PITPNC1: variants seen among roughly 807,000 people sequenced by gnomAD.
The protein encoded by PITPNC1 is cytoplasmic phosphatidylinositol transfer protein 1.
PITPNC1 carries 18 observed loss-of-function variants against 44.7 expected under a neutral mutation model. The observed-to-expected ratio is 0.40, with a 90% confidence interval of 0.28 to 0.60. The LOEUF is 0.60. Ranked by LOEUF, PITPNC1 falls within the 20% of genes least tolerant of loss-of-function variation. PITPNC1 has a pLI of 0.39. For synonymous variants in PITPNC1, 141 were observed against 149.6 expected (o/e 0.94, Z 0.42); for missense variants, 290 against 418.4 (o/e 0.69, Z 2.68).
At chr17:67,393,520 C>T (rs1264763257) in intron 1 of PITPNC1, among the ~76,000 whole-genome samples, 1 of 152,142 alleles carries the variant, frequency 6.6e-6, no homozygotes, top group Non-Finnish European at 1.5e-5. Flanking sequence ...ATTCTGCCCT[C>T]TGTCAAAGGA....
chr17:67,426,638 G>A (rs981243272), intron 1 of PITPNC1, among the ~76,000 whole-genome samples: 1 of 151,960 alleles, frequency 6.6e-6, no homozygotes, highest in African/African-American at 2.4e-5. Context: ...GGGATTTAGA[G>A]GATGGATCAA....
chr17:67,429,805 A>T (rs1567986617), intron 1 of PITPNC1, among the ~76,000 whole-genome samples: 2 of 152,176 alleles, frequency 1.3e-5, no homozygotes, highest in Non-Finnish European at 2.9e-5. Flanking sequence ...GAGAATTTTC[A>T]TGTCAAAATA....
chr17:67,519,211 C>T (rs2040296514), intron 1 of PITPNC1, among the ~76,000 whole-genome samples: 1 of 113,244 alleles, frequency 8.8e-6, no homozygotes, highest in Non-Finnish European at 1.7e-5. Context: ...ATGTCTTGCT[C>T]TGTTTCCCAG....
chr17:67,590,769 G>A (rs879359834), intron 5 of PITPNC1, among the ~76,000 whole-genome samples: 4 of 151,974 alleles, frequency 2.6e-5, no homozygotes, highest in Non-Finnish European at 5.9e-5. Flanking sequence ...TGGAGACCAC[G>A]GTGAAACCCC....
intron 1 of PITPNC1, among the ~76,000 whole-genome samples, chr17:67,499,306 C>G (rs549488012): frequency 2.6e-5 from 4 of 152,320 alleles, no homozygotes; most frequent in Middle Eastern, 3.4e-3. Context: ...CCTTCACCTC[C>G]TGGGCTCAAG....
intron 5 of PITPNC1, among the ~76,000 whole-genome samples, chr17:67,623,109 C>CAAAAAAAAAA (rs1198070826): frequency 9.4e-5 from 8 of 85,276 alleles, no homozygotes; most frequent in Admixed American, 1.5e-4. Context: ...TCCCAAAAGC[C>CAAAAAAAAAA]AAAAAAAAAA....
At chr17:67,384,432 T>TTTC (rs2038010289) in intron 1 of PITPNC1, among the ~76,000 whole-genome samples, 1 of 151,226 alleles carries the variant, frequency 6.6e-6, no homozygotes. Context: ...TGTTCTCTTT[T>TTTC]TTTTTTTTTT....
At chr17:67,624,218 T>TC (rs1464554378) in intron 5 of PITPNC1, among the ~76,000 whole-genome samples, 27 of 147,546 alleles carry the variant, frequency 1.8e-4, no homozygotes, top group Non-Finnish European at 2.8e-4. Context: ...TCTTTTCTTT[T>TC]TTTTTTTTTT....
chr17:67,575,938 A>G (rs1472096777), intron 4 of PITPNC1, among the ~76,000 whole-genome samples: 1 of 133,376 alleles, frequency 7.5e-6, no homozygotes, highest in Non-Finnish European at 1.5e-5. Context: ...GTGCAATGGC[A>G]TGATCTCAGC....
chr17:67,422,835 G>A lies in PITPNC1; in HGVS notation c.48+44633G>A, dbSNP rs527685144. 1.7e-3 allele frequency among the ~76,000 whole-genome samples: 266 copies of A among 152,226 alleles called. 2 individuals carry two copies. The highest frequency in any genetic ancestry group is 6.1e-3 in the African/African-American group (255 of 41,550). On this transcript the variant is annotated intron_variant, in intron 1 of 8. Transcript: ENST00000581322. ...AATAAAAGTCGTGAGCTACCACGCC[G>A]GTCTAGCTTACTCAAACAATGTCTA... is the stretch of plus-strand genomic sequence containing the variant.
chr17:67,454,995 A>AT (rs1242706256), intron 1 of PITPNC1, among the ~76,000 whole-genome samples: 5 of 151,466 alleles, frequency 3.3e-5, no homozygotes, highest in African/African-American at 9.7e-5. Context: ...AATTTTTATT[A>AT]TTTTTTGTAG....
chr17:67,494,459 A>G (rs1401324013), intron 1 of PITPNC1, among the ~76,000 whole-genome samples: 1 of 151,664 alleles, frequency 6.6e-6, no homozygotes, highest in African/African-American at 2.4e-5. Context: ...CGGCCTCCCA[A>G]AGTGCTGGGA....
chr17:67,452,326 T>C (rs1469464582), intron 1 of PITPNC1, among the ~76,000 whole-genome samples: 4 of 151,312 alleles, frequency 2.6e-5, no homozygotes, highest in African/African-American at 9.7e-5. Flanking sequence ...CTGGTTCTTG[T>C]TTTACTGCTA....
Position 67,661,139 on chromosome 17 carries a change from C to T in PITPNC1, c.463-8369C>T, listed in dbSNP as rs548420780. On this transcript the variant is annotated intron_variant, in intron 6 of 8. Coordinates refer to ENST00000581322, the MANE Select transcript of PITPNC1 (RefSeq NM_012417.4). The stretch of plus-strand genomic sequence containing the variant: ...CTGGGATTACAGGTGTGAGCCACCA[C>T]GCCCAGTCGAATCACATTCTTAAAT... Among the ~76,000 whole-genome samples the T allele has an allele frequency of 4.0e-5, 6 of 151,626 alleles. No homozygotes were observed. In the East Asian group the frequency reaches 7.8e-4, roughly 20 times the overall value.
At chr17:67,558,645 G>A (rs919878577) in intron 4 of PITPNC1, among the ~76,000 whole-genome samples, 5 of 152,074 alleles carry the variant, frequency 3.3e-5, no homozygotes, top group South Asian at 2.1e-4. Context: ...TTTTGCGACC[G>A]TGATCACCCC....
At chr17:67,542,869 T>C (rs908796713) in intron 2 of PITPNC1, among the ~76,000 whole-genome samples, 1 of 152,200 alleles carries the variant, frequency 6.6e-6, no homozygotes, top group Non-Finnish European at 1.5e-5. Context: ...CTCCAGTTAA[T>C]GTGGAAATGA....
chr17:67,457,679 C>G (rs556634486), intron 1 of PITPNC1: 2 of 152,242 alleles, frequency 1.3e-5, no homozygotes, highest in Non-Finnish European at 2.9e-5. Context: ...GGAGCCACCA[C>G]GCTGGCTATC....
At chr17:67,492,457 G>A (rs1029179791) in intron 1 of PITPNC1, among the ~76,000 whole-genome samples, 2 of 152,082 alleles carry the variant, frequency 1.3e-5, no homozygotes, top group Non-Finnish European at 1.5e-5. Flanking sequence ...GGCAACAAAC[G>A]GGTGGTCCCC....
chr17:67,463,009 G>A (rs754392072), intron 1 of PITPNC1, among the ~76,000 whole-genome samples: 1 of 152,198 alleles, frequency 6.6e-6, no homozygotes, highest in African/African-American at 2.4e-5. Context: ...GCAACAATTG[G>A]AAATTTTTTA....
Sources: allele counts gnomAD v4.1 joint callset (sites outside exome capture counted in the v4.1 genomes callset), GRCh38; gene constraint gnomAD v4.1.1; transcripts MANE v1.5; gene names NCBI Gene and HGNC (gene_info 2026-07-23, HGNC 2026-07-21).